COMMD10: variants seen among roughly 807,000 people sequenced by gnomAD.
The protein encoded by COMMD10 is COMM domain containing 10.
Under a neutral mutation model 28.9 loss-of-function variants are expected in COMMD10, and 33 were observed. That is an observed-to-expected ratio of 1.14 (90% CI 0.87 to 1.53). The LOEUF (loss-of-function observed/expected upper bound fraction) is 1.53. Ranked by LOEUF, COMMD10 falls within the 40% of genes most tolerant of loss-of-function variation. The pLI is 0.00. For synonymous variants in COMMD10, 110 were observed against 81.7 expected, an observed-to-expected ratio of 1.35 and a Z score of -1.87; for missense variants, 310 against 233.4, an observed-to-expected ratio of 1.33 and a Z score of -2.14.
intron 5 of COMMD10, among the ~76,000 whole-genome samples, chr5:116,197,625 A>G (rs563190409): frequency 1.3e-4 from 20 of 152,184 alleles, no homozygotes; most frequent in African/African-American, 4.6e-4. Context: ...CAAGTGATCC[A>G]TCCCCCTCGG....
chr5:116,100,891 A>C (rs1243986677), intron 4 of COMMD10, among the ~76,000 whole-genome samples: 1 of 152,140 alleles, frequency 6.6e-6, no homozygotes, highest in Non-Finnish European at 1.5e-5. Flanking sequence ...CCACCCTCGC[A>C]GCACCTCCTC....
At chr5:116,098,679 G>T (rs1055618872) in intron 4 of COMMD10, among the ~76,000 whole-genome samples, 2 of 152,062 alleles carry the variant, frequency 1.3e-5, no homozygotes, top group East Asian at 1.9e-4. Flanking sequence ...GTGTCTGTAG[G>T]GGGTCCTGGA....
intron 5 of COMMD10, among the ~76,000 whole-genome samples, chr5:116,265,762 A>T (rs112865687): frequency 0.019 from 2,863 of 151,764 alleles, 141 homozygotes; most frequent in African/African-American, 0.067. Flanking sequence ...TGAGCCATAG[A>T]ATATTTCATA....
At chr5:116,151,491 G>A (rs1000145000) in intron 5 of COMMD10, among the ~76,000 whole-genome samples, 9 of 151,976 alleles carry the variant, frequency 5.9e-5, no homozygotes, top group Admixed American at 5.9e-4. Flanking sequence ...TCTGGTCCTG[G>A]ACTCTTTGGT....
At chr5:116,105,201 C>T (rs182113770) in intron 4 of COMMD10, among the ~76,000 whole-genome samples, 95 of 152,284 alleles carry the variant, frequency 6.2e-4, no homozygotes, top group Non-Finnish European at 1.1e-3. Context: ...GTCTTTTCTG[C>T]ATCTGTTGAG....
intron 5 of COMMD10, among the ~76,000 whole-genome samples, chr5:116,269,887 A>C (rs1750707431): frequency 6.6e-6 from 1 of 151,668 alleles, no homozygotes; most frequent in Non-Finnish European, 1.5e-5. Flanking sequence ...TATATTTTTT[A>C]CCCCATTTCT....
In COMMD10 at chr5:116,292,678, T is replaced by C; in HGVS notation, c.*189T>C. 1 of 428,468 alleles carries C rather than the reference T, an allele frequency of 2.3e-6. No homozygotes were observed. The highest frequency in any genetic ancestry group is 4.1e-6 in the Non-Finnish European group (1 of 241,904). 26.5% of individuals were successfully genotyped at this position (428,468 alleles called of 1,614,324 possible). ...TAAGAATACTGAGGTTCTAATATAC[T>C]TTCTTTAGTTCTGTGAGCCAACAGT... On this transcript the variant is annotated 3_prime_UTR_variant, in exon 7 of 7. Coordinates refer to ENST00000274458, the MANE Select transcript of COMMD10 (RefSeq NM_016144.4).
At chr5:116,117,255 G>A (rs1751271060) in intron 4 of COMMD10, among the ~76,000 whole-genome samples, 1 of 152,028 alleles carries the variant, frequency 6.6e-6, no homozygotes, top group African/African-American at 2.4e-5. Context: ...GTCATTTTAT[G>A]GATATTATAT....
intron 5 of COMMD10, among the ~76,000 whole-genome samples, chr5:116,279,011 G>C (rs763151663): frequency 7.3e-5 from 11 of 151,698 alleles, no homozygotes; most frequent in Non-Finnish European, 1.6e-4. Flanking sequence ...AAAATGACTT[G>C]ATGTCAACTG....
chr5:116,257,290 T>A (rs1304229239), intron 5 of COMMD10, among the ~76,000 whole-genome samples: 1 of 151,626 alleles, frequency 6.6e-6, no homozygotes, highest in Non-Finnish European at 1.5e-5. Context: ...GATTTTCAGA[T>A]TAGGGATGCA....
chr5:116,159,917 GA>G (rs1752861218), intron 5 of COMMD10, among the ~76,000 whole-genome samples: 1 of 152,092 alleles, frequency 6.6e-6, no homozygotes, highest in Non-Finnish European at 1.5e-5. Flanking sequence ...AAAATAGTTA[GA>G]AAACATGTCA....
At chr5:116,169,891 G>A (rs1753263298) in intron 5 of COMMD10, among the ~76,000 whole-genome samples, 3 of 152,094 alleles carry the variant, frequency 2.0e-5, no homozygotes, top group Non-Finnish European at 4.4e-5. Flanking sequence ...CATACTGAAT[G>A]GGCAAAAGCT....
At chr5:116,237,350 G>A (rs1010825354) in intron 5 of COMMD10, among the ~76,000 whole-genome samples, 1 of 152,128 alleles carries the variant, frequency 6.6e-6, no homozygotes, top group African/African-American at 2.4e-5. Context: ...GAGTAGAATA[G>A]TAATGGTTAT....
Position 116,250,141 on chromosome 5 carries a change from A to T in COMMD10, c.511-41376A>T, listed in dbSNP as rs374365329. Among the ~76,000 whole-genome samples the T allele has an allele frequency of 2.6e-4, 40 of 151,810 alleles. 1 individual carries two copies. The South Asian group carries it at 7.9e-3, about 30-fold the overall frequency. On this transcript the variant is annotated intron_variant, in intron 5 of 6. Coordinates refer to ENST00000274458, the MANE Select transcript of COMMD10 (RefSeq NM_016144.4). Reference sequence around the variant, plus strand: ...TTTTACTTTCAAACATCTAGTTTTCATTATCTTGGAGCTAATTCAATCGCT... The same window carrying T: ...TTTTACTTTCAAACATCTAGTTTTCTTTATCTTGGAGCTAATTCAATCGCT...
intron 5 of COMMD10, among the ~76,000 whole-genome samples, chr5:116,229,676 TTA>T (rs1258906065): frequency 2.0e-5 from 3 of 152,000 alleles, no homozygotes; most frequent in South Asian, 2.1e-4. Flanking sequence ...AGAAAACAAA[TTA>T]TGACAGTATA....
chr5:116,263,754 C>T (rs969913691), intron 5 of COMMD10, among the ~76,000 whole-genome samples: 2 of 151,698 alleles, frequency 1.3e-5, no homozygotes, highest in African/African-American at 2.4e-5. Context: ...GGAAGCTCCC[C>T]GCGCCCCTAC....
At chr5:116,273,843 C>A (rs1435030516) in intron 5 of COMMD10, among the ~76,000 whole-genome samples, 2 of 151,534 alleles carry the variant, frequency 1.3e-5, no homozygotes, top group East Asian at 3.9e-4. Context: ...GAACTAAAGT[C>A]ATCATTCAAA....
rs988428965 is a variant in COMMD10 at position 116,116,729 on chromosome 5, T to G, written c.400-17339T>G. On this transcript the variant is annotated intron_variant, in intron 4 of 6. Coordinates refer to ENST00000274458, the MANE Select transcript of COMMD10 (RefSeq NM_016144.4). ...TTTTTTTTTTTTTTTTTTTTTTTTT[T>G]GAGACGGAGTCTCGCTCTGTCGCCC... Among the ~76,000 whole-genome samples the G allele has an allele frequency of 2.1e-3, 221 of 105,218 alleles. 2 individuals are homozygous for G. The highest frequency in any genetic ancestry group is 6.5e-3 in the African/African-American group (218 of 33,332). The allele number at this position is 105,218 out of a possible 152,430, so 69.0% of individuals were successfully genotyped here.
intron 4 of COMMD10, among the ~76,000 whole-genome samples, chr5:116,116,251 A>G (rs1751230459): frequency 1.3e-5 from 2 of 152,156 alleles, no homozygotes; most frequent in South Asian, 4.1e-4. Flanking sequence ...TTGAATACCT[A>G]TCTTTTATAT....
Sources: gnomAD v4.1 joint callset for allele counts (sites outside exome capture counted in the v4.1 genomes callset) on GRCh38, gnomAD v4.1.1 for gene constraint, MANE v1.5 for transcripts, NCBI Gene and HGNC (gene_info 2026-07-23, HGNC 2026-07-21) for gene names.